LUZP2: variants seen among roughly 807,000 people sequenced by gnomAD.
The protein encoded by LUZP2 is leucine zipper protein 2.
In LUZP2, 52 loss-of-function variants were observed where a neutral mutation model predicts 51.6. That is an observed-to-expected ratio of 1.01 (90% confidence interval 0.81 to 1.27). The LOEUF (loss-of-function observed/expected upper bound fraction) is 1.27, where lower values mean the gene tolerates loss of function less well. Among genes scored for constraint, LUZP2 ranks in the 50% most tolerant of loss-of-function variants. LUZP2 has a pLI of 0.00. For missense variants in LUZP2, 436 were observed against 395.4 expected (o/e 1.10, Z -0.87); for synonymous variants, 154 against 137.3 (o/e 1.12, Z -0.85).
intron 1 of LUZP2, among the ~76,000 whole-genome samples, chr11:24,566,022 T>C (rs923882754): frequency 6.6e-6 from 1 of 151,736 alleles, no homozygotes; most frequent in African/African-American, 2.4e-5. Flanking sequence ...ATGTAAACGA[T>C]AGAAAATATC....
At chr11:24,602,393 C>CACACACAT (rs1853764866) in intron 1 of LUZP2, among the ~76,000 whole-genome samples, 1 of 140,540 alleles carries the variant, frequency 7.1e-6, no homozygotes, top group South Asian at 2.1e-4. Flanking sequence ...TATATACACA[C>CACACACAT]ACACACACAC....
chr11:24,918,575 G>T (rs183607297), intron 7 of LUZP2, among the ~76,000 whole-genome samples: 9 of 151,272 alleles, frequency 5.9e-5, no homozygotes, highest in Non-Finnish European at 1.5e-5. Context: ...AATAATAAGA[G>T]CTATTTATGA....
At chr11:24,995,252 G>A (rs1856457181) in intron 9 of LUZP2, among the ~76,000 whole-genome samples, 1 of 152,114 alleles carries the variant, frequency 6.6e-6, no homozygotes, top group Admixed American at 6.5e-5. Flanking sequence ...AATTAGCTGG[G>A]CGTGGTGGTA....
chr11:24,896,322 C>A (rs1172597975), intron 5 of LUZP2, among the ~76,000 whole-genome samples: 1 of 152,056 alleles, frequency 6.6e-6, no homozygotes, highest in Non-Finnish European at 1.5e-5. Context: ...CTGTGCAGGG[C>A]AATTGCGGGC....
intron 5 of LUZP2, among the ~76,000 whole-genome samples, chr11:24,773,742 A>G (rs1848823246): frequency 6.6e-6 from 1 of 152,088 alleles, no homozygotes; most frequent in African/African-American, 2.4e-5. Context: ...ACCTAGGAGT[A>G]TGTTCTTTAC....
At chr11:24,847,031 C>T (rs928020937) in intron 5 of LUZP2, among the ~76,000 whole-genome samples, 1 of 151,598 alleles carries the variant, frequency 6.6e-6, no homozygotes, top group African/African-American at 2.4e-5. Context: ...TACATGTATA[C>T]ACACATATAT....
intron 1 of LUZP2, among the ~76,000 whole-genome samples, chr11:24,655,167 A>G (rs184291495): frequency 1.6e-4 from 25 of 152,278 alleles, no homozygotes; most frequent in African/African-American, 6.0e-4. Flanking sequence ...TCTATTTTAC[A>G]CTGGTGTAAT....
rs1411314251 is a variant in LUZP2 at position 24,547,558 on chromosome 11, AT to A, written c.62+50254del. ...GGACCCCTTCCTTTTACCATATGTA[AT>A]ACAAAAATCTACTTAAGGTGAGTTA... On this transcript the variant is annotated intron_variant, in intron 1 of 11. Transcript: ENST00000336930. 2.6e-5 allele frequency among the ~76,000 whole-genome samples: 4 copies of A among 152,268 alleles called. No individual in the cohort carries two copies. The East Asian group carries it at 7.7e-4, about 29-fold the overall frequency.
intron 5 of LUZP2, among the ~76,000 whole-genome samples, chr11:24,853,603 C>T (rs1237023008): frequency 1.3e-5 from 2 of 151,934 alleles, no homozygotes; most frequent in African/African-American, 4.8e-5. Flanking sequence ...TATTACCCAC[C>T]TTCTGAAGCC....
chr11:24,536,191 C>A (rs976301397), intron 1 of LUZP2, among the ~76,000 whole-genome samples: 2 of 151,664 alleles, frequency 1.3e-5, no homozygotes, highest in African/African-American at 4.8e-5. Context: ...ATTTAGCATA[C>A]CTCTTAAGGG....
intron 3 of LUZP2, among the ~76,000 whole-genome samples, chr11:24,737,266 A>C (rs2133981528): frequency 6.6e-6 from 1 of 152,200 alleles, no homozygotes; most frequent in East Asian, 1.9e-4. Flanking sequence ...TTTTGGATGA[A>C]GAAATTGAGT....
chr11:24,815,397 T>C (rs972472695), intron 5 of LUZP2, among the ~76,000 whole-genome samples: 10 of 152,224 alleles, frequency 6.6e-5, no homozygotes, highest in African/African-American at 2.4e-4. Flanking sequence ...ATCAAAAGTT[T>C]AAGGAGTTTA....
chr11:24,812,115 G>A (rs552170100), intron 5 of LUZP2, among the ~76,000 whole-genome samples: 2 of 152,268 alleles, frequency 1.3e-5, no homozygotes, highest in East Asian at 3.9e-4. Context: ...ATGTATATTA[G>A]ACCGTTTCCC....
At chr11:24,528,490 G>A (rs1850889881) in intron 1 of LUZP2, among the ~76,000 whole-genome samples, 1 of 151,170 alleles carries the variant, frequency 6.6e-6, no homozygotes, top group Admixed American at 6.6e-5. Flanking sequence ...ACCAGGAGAA[G>A]CATCTCTTTC....
chr11:24,889,917 G>A (rs991608102), intron 5 of LUZP2, among the ~76,000 whole-genome samples: 8 of 152,080 alleles, frequency 5.3e-5, no homozygotes, highest in Admixed American at 1.3e-4. Flanking sequence ...GCTCATCCAG[G>A]TGCATTGTAC....
intron 1 of LUZP2, among the ~76,000 whole-genome samples, chr11:24,598,100 C>CAA (rs200140320): frequency 4.7e-4 from 47 of 100,314 alleles, no homozygotes; most frequent in African/African-American, 1.2e-3. Context: ...GACTCTGTCT[C>CAA]AAAAAAAAAA....
chr11:24,987,507 T>G (rs1856222434), intron 9 of LUZP2, among the ~76,000 whole-genome samples: 1 of 152,050 alleles, frequency 6.6e-6, no homozygotes, highest in South Asian at 2.1e-4. Context: ...CATCCCAGGC[T>G]ATTACTGTTT....
intron 1 of LUZP2, among the ~76,000 whole-genome samples, chr11:24,623,321 C>T (rs1043824831): frequency 2.6e-5 from 4 of 152,108 alleles, no homozygotes; most frequent in East Asian, 3.9e-4. Flanking sequence ...ATAATAAAAT[C>T]AGAATTACTT....
At chr11:25,028,312 A>G (rs1360978465) in intron 9 of LUZP2, among the ~76,000 whole-genome samples, 1 of 152,130 alleles carries the variant, frequency 6.6e-6, no homozygotes, top group Non-Finnish European at 1.5e-5. Flanking sequence ...TATTCGTTAT[A>G]TTTAACTATA....
Sources: allele counts gnomAD v4.1 joint callset (sites outside exome capture counted in the v4.1 genomes callset), GRCh38; gene constraint gnomAD v4.1.1; transcripts MANE v1.5; gene names NCBI Gene and HGNC (gene_info 2026-07-23, HGNC 2026-07-21).